The following WWC2 variants were observed in gnomAD, a reference collection of about 807,000 sequenced individuals.
WWC2 encodes protein WWC2.
A neutral mutation model predicts 138.5 loss-of-function variants in WWC2; 101 were observed. The observed-to-expected ratio is 0.73, with a 90% CI of 0.62 to 0.86. The LOEUF is 0.86. Ranked by LOEUF, WWC2 falls within the 40% of genes least tolerant of loss-of-function variation. The probability of loss-of-function intolerance (pLI) is 0.00; values close to 1 mark genes in which losing one functional copy is unlikely to be tolerated. For synonymous variants in WWC2, 558 were observed against 538.4 expected (o/e 1.04, Z -0.50); for missense variants, 1,420 against 1,419.4 (o/e 1.00, Z -0.01).
chr4:183,308,359 A>T (rs1471975410), intron 21 of WWC2, among the ~76,000 whole-genome samples: 1 of 152,224 alleles, frequency 6.6e-6, no homozygotes, highest in African/African-American at 2.4e-5. Context: ...ATTATGTAAT[A>T]GTCAAACTGA....
Position 183,148,110 on chromosome 4 carries a change from C to T in WWC2, c.132-45489C>T, listed in dbSNP as rs554332673. Among the ~76,000 whole-genome samples, 5 of 152,270 alleles carry T rather than the reference C, an allele frequency of 3.3e-5. No homozygotes were observed. The East Asian group carries it at 9.6e-4, about 29-fold the overall frequency. The stretch of plus-strand genomic sequence containing the variant: ...TCCCGAGTACAAAAGATACATGTAG[C>T]GTGTGAGGTTGTGGCCTCTCACAGT... On this transcript the variant is annotated intron_variant, in intron 1 of 22. Transcript: ENST00000403733.
chr4:183,295,384 A>G lies in WWC2; in HGVS notation c.3384+5749A>G, dbSNP rs978524278. ...TGTCTCCTGCTCACCACTAGAATAGAGGATTTCACCCTGGGGCTTACTGGT... is the reference window on the plus strand; with the variant it reads ...TGTCTCCTGCTCACCACTAGAATAGGGGATTTCACCCTGGGGCTTACTGGT... On this transcript the variant is annotated intron_variant, in intron 21 of 22. Coordinates refer to ENST00000403733, the MANE Select transcript of WWC2 (RefSeq NM_024949.6). Among the ~76,000 whole-genome samples the G allele has an allele frequency of 2.8e-4, 43 of 152,198 alleles. 2 individuals are homozygous for G. Among genetic ancestry groups the G allele is most frequent in the Non-Finnish European group, 4.4e-5 (3 of 68,034 alleles).
chr4:183,241,849 A>T lies in WWC2; in HGVS notation c.602+1587A>T, dbSNP rs531422633. 3.9e-5 allele frequency among the ~76,000 whole-genome samples: 6 copies of T among 152,374 alleles called. No homozygotes were observed. In the South Asian group the frequency reaches 8.3e-4, roughly 21 times the overall value. On this transcript the variant is annotated intron_variant, in intron 5 of 22. Coordinates refer to ENST00000403733, the MANE Select transcript of WWC2 (RefSeq NM_024949.6). ...GTTTAGCCATATGTTCCACATTTTT[A>T]AGGCACATGAAATTATAACTCGCGT...
intron 8 of WWC2, 87 bp downstream of exon 8, chr4:183,250,080 C>T (rs980552442): frequency 3.3e-6 from 4 of 1,222,848 alleles, no homozygotes; most frequent in African/African-American, 3.0e-5. Flanking sequence ...ATCTGCTGGG[C>T]ACTCCCCATA....
At chr4:183,201,634 A>G (rs1735301340) in intron 2 of WWC2, among the ~76,000 whole-genome samples, 1 of 152,232 alleles carries the variant, frequency 6.6e-6, no homozygotes, top group Non-Finnish European at 1.5e-5. Context: ...TAACGAACAA[A>G]TAACAAATAA....
chr4:183,129,991 G>A (rs1033301875), intron 1 of WWC2, among the ~76,000 whole-genome samples: 5 of 150,678 alleles, frequency 3.3e-5, no homozygotes, highest in African/African-American at 1.2e-4. Flanking sequence ...ACCTGCCCTT[G>A]TTTTGCCTGG....
intron 21 of WWC2, among the ~76,000 whole-genome samples, chr4:183,306,823 G>A (rs1315385126): frequency 7.8e-6 from 1 of 128,800 alleles, no homozygotes; most frequent in Non-Finnish European, 1.6e-5. Flanking sequence ...CACTGTGCCC[G>A]ACCAGGATAA....
intron 4 of WWC2, among the ~76,000 whole-genome samples, chr4:183,224,144 G>T (rs1736005242): frequency 6.6e-6 from 1 of 152,148 alleles, no homozygotes; most frequent in African/African-American, 2.4e-5. Context: ...CATCCCCATG[G>T]TGTACTTAAA....
intron 9 of WWC2, among the ~76,000 whole-genome samples, chr4:183,255,304 C>T (rs773881326): frequency 6.6e-6 from 1 of 152,132 alleles, no homozygotes; most frequent in African/African-American, 2.4e-5. Context: ...AAGCAAGGCC[C>T]CATCTGACAA....
At chr4:183,220,939 A>G (rs2111264688) in intron 4 of WWC2, among the ~76,000 whole-genome samples, 1 of 152,322 alleles carries the variant, frequency 6.6e-6, no homozygotes, top group Non-Finnish European at 1.5e-5. Context: ...GAATAGAGGA[A>G]GAAAATATGA....
chr4:183,142,198 G>A (rs1733321243), intron 1 of WWC2, among the ~76,000 whole-genome samples: 1 of 152,204 alleles, frequency 6.6e-6, no homozygotes, highest in Non-Finnish European at 1.5e-5. Flanking sequence ...TTGACAAGTA[G>A]TATAAGGGTG....
At chr4:183,262,138 C>T (rs1737349223) in intron 11 of WWC2, among the ~76,000 whole-genome samples, 1 of 152,158 alleles carries the variant, frequency 6.6e-6, no homozygotes, top group African/African-American at 2.4e-5. Flanking sequence ...CATTTGTATT[C>T]AAAAAGACAG....
chr4:183,215,956 A>G (rs1195485746), intron 4 of WWC2, among the ~76,000 whole-genome samples: 1 of 152,240 alleles, frequency 6.6e-6, no homozygotes, highest in Non-Finnish European at 1.5e-5. Flanking sequence ...TCTATTTTAA[A>G]TGATTCTATA....
Position 183,127,729 on chromosome 4 carries a change from A to G in WWC2, c.131+28107A>G, listed in dbSNP as rs537388658. ...CCATATTAATCATTTTACTATCTAT[A>G]TTATATACCTTAAATGTGTACAATA... On this transcript the variant is annotated intron_variant, in intron 1 of 22. Coordinates refer to ENST00000403733, the MANE Select transcript of WWC2 (RefSeq NM_024949.6). 7.2e-5 allele frequency among the ~76,000 whole-genome samples: 11 copies of G among 152,344 alleles called. No individual in the cohort carries two copies. In the East Asian group the frequency reaches 1.2e-3, roughly 16 times the overall value.
chr4:183,289,369 G>A (rs921468741), intron 20 of WWC2, 24 bp from the exon 21 acceptor site: 9 of 1,603,782 alleles, frequency 5.6e-6, no homozygotes, highest in Middle Eastern at 1.7e-4. Flanking sequence ...CAGGGTGTTC[G>A]TCATTCCGTT....
intron 1 of WWC2, 68 bp downstream of exon 1, chr4:183,099,690 C>T (rs2152884818): frequency 1.7e-6 from 2 of 1,173,192 alleles, no homozygotes; most frequent in East Asian, 4.1e-5. Flanking sequence ...GACCCGGCCG[C>T]GCGGGGGGCT....
chr4:183,245,696 G>T (rs1736756133), intron 6 of WWC2, among the ~76,000 whole-genome samples, 151 bp downstream of exon 6: 1 of 152,150 alleles, frequency 6.6e-6, no homozygotes, highest in African/African-American at 2.4e-5. Flanking sequence ...ATTGTTGCAG[G>T]CACAAAGGTA....
intron 21 of WWC2, among the ~76,000 whole-genome samples, chr4:183,300,814 G>C (rs1179723606): frequency 6.6e-6 from 1 of 151,844 alleles, no homozygotes; most frequent in East Asian, 1.9e-4. Context: ...AGAAATGCTA[G>C]AAGTTGAAAA....
chr4:183,258,974 A>G lies in WWC2; in HGVS notation c.1197-665A>G, dbSNP rs903034420. Among the ~76,000 whole-genome samples, 12 of 152,218 alleles carry G rather than the reference A, an allele frequency of 7.9e-5. 1 individual carries two copies. The highest frequency in any genetic ancestry group is 6.5e-4 in the Admixed American group (10 of 15,284). On this transcript the variant is annotated intron_variant, in intron 9 of 22. Transcript: ENST00000403733. ...TTCTATAATGCTGTACTCTTAAAAA[A>G]AAGAAAAACTTTTGCAGTTGAATGT... is the stretch of plus-strand genomic sequence containing the variant.
Sources: gnomAD v4.1 joint callset for allele counts (sites outside exome capture counted in the v4.1 genomes callset) on GRCh38, gnomAD v4.1.1 for gene constraint, MANE v1.5 for transcripts, NCBI Gene and HGNC (gene_info 2026-07-23, HGNC 2026-07-21) for gene names.